Variants in ZFHX4 observed in about 807,000 individuals in gnomAD.
ZFHX4 encodes zinc finger homeobox protein 4.
ZFHX4 carries 56 observed loss-of-function variants against 267.6 expected under a neutral mutation model. That is an observed-to-expected ratio of 0.21 (90% CI 0.17 to 0.26). The LOEUF (loss-of-function observed/expected upper bound fraction) is 0.26. Among genes scored for constraint, ZFHX4 ranks in the 10% least tolerant of loss-of-function variants. The pLI is 1.00. For missense variants in ZFHX4, 4,332 were observed against 4,420.0 expected, an observed-to-expected ratio of 0.98 and a Z score of 0.56; for synonymous variants, 1,778 against 1,665.6, an observed-to-expected ratio of 1.07 and a Z score of -1.64.
At chr8:76,731,706 T>C (rs1809015586) in intron 3 of ZFHX4, among the ~76,000 whole-genome samples, 1 of 152,052 alleles carries the variant, frequency 6.6e-6, no homozygotes, top group South Asian at 2.1e-4. Flanking sequence ...AACAATATTC[T>C]ATCAATATAT....
At chr8:76,783,999 A>T (rs1810621055) in intron 4 of ZFHX4, among the ~76,000 whole-genome samples, 1 of 152,008 alleles carries the variant, frequency 6.6e-6, no homozygotes, top group African/African-American at 2.4e-5. Flanking sequence ...TAATACAATG[A>T]TGGTAATCCA....
chr8:76,693,504 T>A (rs1807874886), intron 1 of ZFHX4: 1 of 151,382 alleles, frequency 6.6e-6, no homozygotes, highest in Admixed American at 6.6e-5. Flanking sequence ...AGAAATTGAG[T>A]GTGTATGTGT....
At chr8:76,756,743 G>T (rs1809774050) in intron 3 of ZFHX4, among the ~76,000 whole-genome samples, 1 of 151,758 alleles carries the variant, frequency 6.6e-6, no homozygotes, top group African/African-American at 2.4e-5. Context: ...CTTTTTCTAG[G>T]CAGCAAAGGT....
chr8:76,735,832 G>A (rs183474889), intron 3 of ZFHX4, among the ~76,000 whole-genome samples: 2 of 152,066 alleles, frequency 1.3e-5, no homozygotes, highest in African/African-American at 2.4e-5. Flanking sequence ...CTTTTCATCC[G>A]GAATTTGCTT....
At chr8:76,772,021 C>T (rs1810277174) in intron 3 of ZFHX4, among the ~76,000 whole-genome samples, 1 of 152,116 alleles carries the variant, frequency 6.6e-6, no homozygotes, top group Non-Finnish European at 1.5e-5. Flanking sequence ...TCATCTTTCA[C>T]TGACACTGTG....
chr8:76,749,672 G>A (rs1026389241), intron 3 of ZFHX4, among the ~76,000 whole-genome samples: 21 of 152,102 alleles, frequency 1.4e-4, no homozygotes, highest in East Asian at 9.6e-4. Context: ...TACAATGTCT[G>A]TAATATAGAA....
Position 76,865,759 on chromosome 8 carries a change from C to T in ZFHX4, c.*1194C>T, listed in dbSNP as rs995275826. On this transcript the variant is annotated 3_prime_UTR_variant, in exon 11 of 11. Coordinates refer to ENST00000651372, the MANE Select transcript of ZFHX4 (RefSeq NM_024721.5). ...TGTATAAAGAGGTTAGCCCTGCGCA[C>T]GTAGGACTGAATTCAGTGATATCCC... 2.6e-5 allele frequency: 4 copies of T among 152,530 alleles called. No homozygotes were observed. Among genetic ancestry groups the T allele is most frequent in the East Asian group, 1.9e-4 (1 of 5,190 alleles). The allele number at this position is 152,530 out of a possible 1,614,324, so 9.4% of individuals were successfully genotyped here. A position where few individuals can be genotyped will look rare whatever the true frequency, so the allele number is the denominator to read the frequency against.
chr8:76,713,304 GATAGATA>G (rs778531956), intron 3 of ZFHX4, among the ~76,000 whole-genome samples: 7,058 of 152,210 alleles, frequency 0.046, 350 homozygotes, highest in East Asian at 0.23. Context: ...TAGATAGATA[GATAGATA>G]GATAGATGAT....
intron 4 of ZFHX4, among the ~76,000 whole-genome samples, chr8:76,818,633 C>G (rs1306555763): frequency 6.6e-6 from 1 of 152,044 alleles, no homozygotes; most frequent in African/African-American, 2.4e-5. Context: ...GAATCTAGAA[C>G]AGTCACGGTG....
At chr8:76,829,197 A>G (rs1041972641) in intron 4 of ZFHX4, among the ~76,000 whole-genome samples, 3 of 148,614 alleles carry the variant, frequency 2.0e-5, no homozygotes, top group African/African-American at 7.5e-5. Context: ...GATTGTTAAA[A>G]AATTAAAATT....
chr8:76,832,376 G>C (rs1811959149), intron 4 of ZFHX4, among the ~76,000 whole-genome samples: 1 of 152,020 alleles, frequency 6.6e-6, no homozygotes, highest in Admixed American at 6.6e-5. Flanking sequence ...TTATGCATGA[G>C]GGGCTTGAGG....
chr8:76,865,502 T>A lies in ZFHX4; in HGVS notation c.*937T>A, dbSNP rs1187987593. ...CATGTGAAATTTAATAAGATACCTT[T>A]TTTTTCCTTTCTTTGTGTGTAGTGC... On this transcript the variant is annotated 3_prime_UTR_variant, in exon 11 of 11. Transcript: ENST00000651372. 1.3e-5 allele frequency: 2 copies of A among 152,570 alleles called. No homozygotes were observed. Among genetic ancestry groups the A allele is most frequent in the African/African-American group, 4.8e-5 (2 of 41,438 alleles). The allele number at this position is 152,570 out of a possible 1,614,324, so 9.5% of individuals were successfully genotyped here.
chr8:76,859,161 G>A (rs1040920410), intron 10 of ZFHX4, among the ~76,000 whole-genome samples: 1 of 152,006 alleles, frequency 6.6e-6, no homozygotes, highest in African/African-American at 2.4e-5. Context: ...GTTGGATATC[G>A]GTTTTAATGC....
chr8:76,781,390 A>G lies in ZFHX4; in HGVS notation c.3325+2951A>G, dbSNP rs191939920. Among the ~76,000 whole-genome samples, 17 of 152,212 alleles carry G rather than the reference A, an allele frequency of 1.1e-4. No homozygotes were observed. In the East Asian group the frequency reaches 2.3e-3, roughly 21 times the overall value. Reference sequence around the variant, plus strand: ...AAAGTTCCCTTCCAATACATGAGTAATTAAGTTTTTTTAAAGACAGTTTTT... The same window carrying G: ...AAAGTTCCCTTCCAATACATGAGTAGTTAAGTTTTTTTAAAGACAGTTTTT... On this transcript the variant is annotated intron_variant, in intron 4 of 10. Coordinates refer to ENST00000651372, the MANE Select transcript of ZFHX4 (RefSeq NM_024721.5).
chr8:76,777,370 T>C (rs891541515), intron 3 of ZFHX4, among the ~76,000 whole-genome samples: 6 of 152,198 alleles, frequency 3.9e-5, no homozygotes, highest in African/African-American at 1.4e-4. Flanking sequence ...AAACAGATTT[T>C]TTTTTAGCAA....
chr8:76,761,902 T>C (rs958791389), intron 3 of ZFHX4, among the ~76,000 whole-genome samples: 2 of 152,174 alleles, frequency 1.3e-5, no homozygotes, highest in Non-Finnish European at 1.5e-5. Flanking sequence ...AATACTTGCA[T>C]TGGGTTGTCT....
intron 4 of ZFHX4, among the ~76,000 whole-genome samples, chr8:76,816,196 A>G (rs1198114772): frequency 3.9e-5 from 6 of 152,142 alleles, no homozygotes; most frequent in African/African-American, 1.2e-4. Context: ...TGCTTTATTT[A>G]TTTGTATCAT....
At chr8:76,771,994 T>C (rs76081115) in intron 3 of ZFHX4, among the ~76,000 whole-genome samples, 118 of 152,248 alleles carry the variant, frequency 7.8e-4, no homozygotes, top group Middle Eastern at 3.4e-3. Context: ...GTTAGAAGCA[T>C]AGGGGTTTGC....
chr8:76,845,400 G>T (rs2131923341), intron 6 of ZFHX4, among the ~76,000 whole-genome samples: 1 of 151,954 alleles, frequency 6.6e-6, no homozygotes, highest in African/African-American at 2.4e-5. Context: ...CTTGGCTAAG[G>T]GGACCACTTT....
Sources: gnomAD v4.1 joint callset for allele counts (sites outside exome capture counted in the v4.1 genomes callset) on GRCh38, gnomAD v4.1.1 for gene constraint, MANE v1.5 for transcripts, NCBI Gene and HGNC (gene_info 2026-07-23, HGNC 2026-07-21) for gene names.